Variants in TANC1 observed in about 807,000 individuals in gnomAD.
TANC1 encodes protein TANC1.
TANC1 carries 77 observed loss-of-function variants against 149.7 expected under a neutral mutation model. The observed-to-expected ratio is 0.51, with a 90% CI of 0.43 to 0.62. The LOEUF is 0.62. Ranked by LOEUF, TANC1 falls within the 20% of genes least tolerant of loss-of-function variation. The pLI, the probability that TANC1 is intolerant of heterozygous loss-of-function variation, is 0.00. For synonymous variants in TANC1, 854 were observed against 925.0 expected (o/e 0.92, Z 1.39); for missense variants, 1,985 against 2,321.8 (o/e 0.85, Z 2.98).
chr2:159,209,256 C>A (rs2058830836), intron 19 of TANC1, among the ~76,000 whole-genome samples: 1 of 152,208 alleles, frequency 6.6e-6, no homozygotes, highest in Admixed American at 6.5e-5. Flanking sequence ...TCTTGATTAC[C>A]TTTCATTTTA....
intron 19 of TANC1, among the ~76,000 whole-genome samples, chr2:159,213,801 T>A (rs1451816852): frequency 6.6e-6 from 1 of 152,014 alleles, no homozygotes; most frequent in African/African-American, 2.4e-5. Flanking sequence ...TGGGCACCCA[T>A]GGTAATGCGC....
At chr2:159,015,530 A>G (rs2038185395) in intron 2 of TANC1, among the ~76,000 whole-genome samples, 1 of 152,126 alleles carries the variant, frequency 6.6e-6, no homozygotes, top group African/African-American at 2.4e-5. Context: ...GCAAATTTCT[A>G]CAGCTGGCTT....
chr2:158,988,568 G>T (rs1226186808), intron 1 of TANC1, among the ~76,000 whole-genome samples: 1 of 151,996 alleles, frequency 6.6e-6, no homozygotes, highest in Admixed American at 6.6e-5. Context: ...GCAATGACAG[G>T]GCTTCCCAGC....
chr2:159,093,218 T>C (rs1430008068), intron 3 of TANC1, among the ~76,000 whole-genome samples: 2 of 152,232 alleles, frequency 1.3e-5, no homozygotes, highest in Non-Finnish European at 2.9e-5. Flanking sequence ...GTGATTGAAA[T>C]GTGCTTCCCA....
At chr2:159,194,527 A>G (rs754823955) in intron 17 of TANC1, 34 bp downstream of exon 17, 3 of 1,557,164 alleles carry the variant, frequency 1.9e-6, no homozygotes, top group South Asian at 1.1e-5. Context: ...GGGCTGGGGC[A>G]GGGAAATGGC....
chr2:159,068,767 A>G (rs2042888720), intron 3 of TANC1, among the ~76,000 whole-genome samples: 1 of 152,184 alleles, frequency 6.6e-6, no homozygotes, highest in Non-Finnish European at 1.5e-5. Context: ...TGAGACAGAC[A>G]GACTCTGTTA....
intron 2 of TANC1, among the ~76,000 whole-genome samples, chr2:159,009,570 A>G (rs2037557448): frequency 6.6e-6 from 1 of 152,208 alleles, no homozygotes; most frequent in African/African-American, 2.4e-5. Flanking sequence ...AGAGAGTAGA[A>G]TAGTGGTTAC....
At chr2:159,042,713 G>T (rs1189549242) in intron 2 of TANC1, among the ~76,000 whole-genome samples, 1 of 152,038 alleles carries the variant, frequency 6.6e-6, no homozygotes. Context: ...GTACCTGGAG[G>T]ATGACTAATT....
intron 19 of TANC1, among the ~76,000 whole-genome samples, chr2:159,205,209 C>T (rs1430352072): frequency 6.6e-6 from 1 of 152,234 alleles, no homozygotes; most frequent in African/African-American, 2.4e-5. Context: ...GCTTCAGTCA[C>T]AGGGAGGCCC....
intron 1 of TANC1, among the ~76,000 whole-genome samples, chr2:158,970,371 G>A (rs2032674158): frequency 6.6e-6 from 1 of 152,216 alleles, no homozygotes; most frequent in Admixed American, 6.5e-5. Flanking sequence ...CAGCCTGGAG[G>A]TATTTCAGAT....
chr2:159,148,456 G>A (rs1431958566), intron 5 of TANC1: 2 of 152,276 alleles, frequency 1.3e-5, no homozygotes, highest in African/African-American at 2.4e-5. Context: ...CAGCATTGCT[G>A]TGCAGCATTC....
At chr2:159,034,554 A>G (rs529541177) in intron 2 of TANC1, among the ~76,000 whole-genome samples, 1 of 152,284 alleles carries the variant, frequency 6.6e-6, no homozygotes, top group African/African-American at 2.4e-5. Context: ...GGGCCATGGG[A>G]TGGAAAACCA....
At chr2:159,039,696 T>C (rs2040477149) in intron 2 of TANC1, among the ~76,000 whole-genome samples, 3 of 152,232 alleles carry the variant, frequency 2.0e-5, no homozygotes, top group Non-Finnish European at 4.4e-5. Context: ...TCTAATTTGA[T>C]TGCACTATGG....
intron 7 of TANC1, among the ~76,000 whole-genome samples, chr2:159,158,830 C>T (rs374970781): frequency 1.3e-5 from 2 of 152,284 alleles, no homozygotes; most frequent in South Asian, 2.1e-4. Flanking sequence ...AAAATGGTAC[C>T]GGGTCTGGAG....
rs577776372 is a variant in TANC1, at chr2:159,153,167, G to A, written c.682+2611G>A. ...AGGAAAGAGAAGTGTTGCCAGTGTC[G>A]AGTTGCATCGGGAGAGGGAACGTTC... On this transcript the variant is annotated intron_variant, in intron 7 of 26. Transcript: ENST00000263635. Among the ~76,000 whole-genome samples the A allele has an allele frequency of 2.1e-3, 315 of 152,294 alleles. 2 individuals carry two copies. The highest frequency in any genetic ancestry group is 3.7e-3 in the Admixed American group (56 of 15,304).
Position 159,229,483 on chromosome 2 carries a change from T to G in TANC1, c.4152-95T>G, listed in dbSNP as rs2060219920. On this transcript the variant is annotated intron_variant, in intron 26 of 26. Transcript: ENST00000263635. ...AAGTGTTCAAAACTCACTTGCTACC[T>G]TCTCTTTCCTTTGAGCACAGCTCTT... 3 of 1,092,954 alleles carry G rather than the reference T, an allele frequency of 2.7e-6. No homozygotes were observed. In the East Asian group the frequency reaches 7.8e-5, roughly 28 times the overall value. 67.7% of individuals were successfully genotyped at this position (1,092,954 alleles called of 1,614,324 possible).
chr2:159,030,099 A>G (rs1449847988), intron 2 of TANC1, among the ~76,000 whole-genome samples: 1 of 152,170 alleles, frequency 6.6e-6, no homozygotes, highest in Non-Finnish European at 1.5e-5. Context: ...CAGCTGTGTC[A>G]TTGAGAAGTG....
chr2:159,146,308 A>T (rs2052078490), intron 5 of TANC1, among the ~76,000 whole-genome samples: 4 of 152,214 alleles, frequency 2.6e-5, no homozygotes, highest in Admixed American at 2.6e-4. Context: ...TTTTAAGGGG[A>T]TGATCACTGG....
At chr2:158,978,041 A>G (rs2033895503) in intron 1 of TANC1, among the ~76,000 whole-genome samples, 1 of 152,182 alleles carries the variant, frequency 6.6e-6, no homozygotes. Context: ...AGTACATTGT[A>G]CATTCATTAT....
Sources: gnomAD v4.1 joint callset for allele counts (sites outside exome capture counted in the v4.1 genomes callset) on GRCh38, gnomAD v4.1.1 for gene constraint, MANE v1.5 for transcripts, NCBI Gene and HGNC (gene_info 2026-07-23, HGNC 2026-07-21) for gene names.